The following FSTL5 variants were observed in gnomAD, a reference collection of about 807,000 sequenced individuals.
The protein encoded by FSTL5 is follistatin-related protein 5.
A neutral mutation model predicts 89.1 loss-of-function variants in FSTL5; 62 were observed. The ratio of observed to expected loss-of-function variants is 0.70; its 90% CI spans 0.57 to 0.86. The LOEUF (loss-of-function observed/expected upper bound fraction) is 0.86, where lower values mean the gene tolerates loss of function less well. Ranked by LOEUF, FSTL5 falls within the 40% of genes least tolerant of loss-of-function variation. The pLI, the probability that FSTL5 is intolerant of heterozygous loss-of-function variation, is 0.00. For synonymous variants in FSTL5, 383 were observed against 346.2 expected (o/e 1.11, Z -1.18); for missense variants, 1,057 against 1,001.6 (o/e 1.06, Z -0.75).
At chr4:162,107,427 A>G (rs13130824) in intron 2 of FSTL5, among the ~76,000 whole-genome samples, 35,388 of 152,128 alleles carry the variant, frequency 0.23, 4,471 homozygotes, top group Non-Finnish European at 0.3. Context: ...GGCTGTTCTG[A>G]GTACACTAAT....
chr4:161,970,260 G>C lies in FSTL5; in HGVS notation c.161-49608C>G, dbSNP rs145019666. ...TAGAGACAGATTTTAAAACGCTAAG[G>C]ATTTAAAATCACAGGACTCATTCTA... On this transcript the variant is annotated intron_variant, in intron 3 of 15. Transcript: ENST00000306100. 1.5e-4 allele frequency among the ~76,000 whole-genome samples: 23 copies of C among 152,076 alleles called. No homozygotes were observed. The East Asian group carries it at 3.5e-3, about 23-fold the overall frequency.
chr4:161,818,423 G>C (rs11725669), intron 4 of FSTL5, among the ~76,000 whole-genome samples: 1 of 152,216 alleles, frequency 6.6e-6, no homozygotes, highest in Admixed American at 6.5e-5. Flanking sequence ...CTTGAGACAA[G>C]GTAGAGGTTC....
intron 3 of FSTL5, among the ~76,000 whole-genome samples, chr4:161,968,479 C>T (rs1169441317): frequency 2.6e-5 from 4 of 152,018 alleles, no homozygotes; most frequent in Non-Finnish European, 5.9e-5. Context: ...CAGTAGAGCA[C>T]ATTCTTATAT....
In FSTL5 at chr4:161,673,713, T is replaced by C. The variant is rs191438648; in HGVS notation, c.728-17219A>G. 1.8e-4 allele frequency among the ~76,000 whole-genome samples: 28 copies of C among 152,130 alleles called. 1 individual carries two copies. Among genetic ancestry groups the C allele is most frequent in the African/African-American group, 6.3e-4 (26 of 41,570 alleles). The stretch of plus-strand genomic sequence containing the variant: ...ATTTTTATATTTAAGCCTGAGTTTA[T>C]TATTAATTTTGTGATATGAAGTACA... On this transcript the variant is annotated intron_variant, in intron 6 of 15. Transcript: ENST00000306100.
At chr4:162,001,913 G>A (rs996868034) in intron 3 of FSTL5, among the ~76,000 whole-genome samples, 3 of 151,952 alleles carry the variant, frequency 2.0e-5, no homozygotes, top group African/African-American at 7.2e-5. Context: ...CATCATGATG[G>A]TTCAAAGAGT....
rs770030365 is a variant in FSTL5 at position 161,538,279 on chromosome 4, A to G, written c.1199T>C (p.Ile400Thr). The change falls in exon 10 of 16, where the codon ATA becomes ACA. Residue 400 changes from isoleucine (I) to threonine (T), a missense_variant. By Grantham distance (89) the Ile-to-Thr change is moderately conservative. Around this residue, in one of 3 missense-constraint regions of FSTL5, gnomAD observed 980 missense variants for 903.2 expected, o/e 1.08. Coordinates refer to ENST00000306100, the MANE Select transcript of FSTL5 (RefSeq NM_020116.5). ...TLQANGSEVH[I>T]SNVRYEDTGA... Reference sequence around the variant, plus strand: ...AGTATCTTCATAGCGCACATTGCTTATGTGAACCTCACTGCCATTTGCTGA... The same window carrying G: ...AGTATCTTCATAGCGCACATTGCTTGTGTGAACCTCACTGCCATTTGCTGA... The G allele has an allele frequency of 2.5e-6, 4 of 1,613,884 alleles. No individual in the cohort carries two copies. Among genetic ancestry groups the G allele is most frequent in the African/African-American group, 1.3e-5 (1 of 74,906 alleles).
intron 6 of FSTL5, among the ~76,000 whole-genome samples, chr4:161,712,584 A>G (rs1668987605): frequency 6.6e-6 from 1 of 152,190 alleles, no homozygotes; most frequent in South Asian, 2.1e-4. Context: ...TGTTGTTTTC[A>G]AATGATACAT....
chr4:162,087,471 A>T (rs1199853792), intron 2 of FSTL5, among the ~76,000 whole-genome samples: 1 of 152,146 alleles, frequency 6.6e-6, no homozygotes. Context: ...TCTCATACTT[A>T]AAAATGATTT....
chr4:161,775,956 C>T lies in FSTL5; in HGVS notation c.528G>A (p.Lys176=). 1 of 1,608,412 alleles carries T rather than the reference C, an allele frequency of 6.2e-7. No individual in the cohort carries two copies. The highest frequency in any genetic ancestry group is 8.5e-7 in the Non-Finnish European group (1 of 1,176,952). Residue 176 remains lysine (K), a synonymous_variant, in exon 5 of 16, where the codon AAG becomes AAA. Coordinates refer to ENST00000306100, the MANE Select transcript of FSTL5 (RefSeq NM_020116.5). ...TAAACATTTGATCCACCAATAGCTT[C>T]TTCCGAGATATGTCGTCGCCATTAG... ...ENPNGDDISR[K]KLLVDQMFKY...
intron 11 of FSTL5, among the ~76,000 whole-genome samples, chr4:161,504,349 C>G (rs1045292322): frequency 2.0e-5 from 3 of 151,912 alleles, no homozygotes; most frequent in Non-Finnish European, 2.9e-5. Flanking sequence ...TAGTGGTGAT[C>G]ATTACTTCTC....
At chr4:162,124,939 G>A (rs1163265719) in intron 1 of FSTL5, among the ~76,000 whole-genome samples, 6 of 152,120 alleles carry the variant, frequency 3.9e-5, no homozygotes, top group East Asian at 1.9e-4. Context: ...TCCTGACCTC[G>A]TGATCCGCCC....
chr4:161,795,389 C>G (rs926981893), intron 4 of FSTL5, among the ~76,000 whole-genome samples: 2 of 152,032 alleles, frequency 1.3e-5, no homozygotes, highest in African/African-American at 4.8e-5. Context: ...AAAACAGACA[C>G]CAACAGGCTG....
chr4:161,448,464 G>A (rs1467546815), intron 15 of FSTL5, among the ~76,000 whole-genome samples: 1 of 152,006 alleles, frequency 6.6e-6, no homozygotes, highest in Non-Finnish European at 1.5e-5. Flanking sequence ...TATAATTTTT[G>A]CTTTAACGGA....
chr4:162,143,813 C>T (rs868361468), intron 1 of FSTL5, among the ~76,000 whole-genome samples: 2 of 144,350 alleles, frequency 1.4e-5, no homozygotes, highest in African/African-American at 2.6e-5. Flanking sequence ...CACACACACA[C>T]ACACACATAC....
intron 4 of FSTL5, among the ~76,000 whole-genome samples, chr4:161,835,690 A>T (rs370940829): frequency 6.6e-6 from 1 of 152,128 alleles, no homozygotes; most frequent in Non-Finnish European, 1.5e-5. Context: ...GCAGCCAAAA[A>T]ACACATGAAA....
At chr4:162,038,760 A>G (rs537358666) in intron 2 of FSTL5, among the ~76,000 whole-genome samples, 42 of 152,014 alleles carry the variant, frequency 2.8e-4, no homozygotes, top group African/African-American at 9.9e-4. Flanking sequence ...TCTGGCTACA[A>G]TATCTTCAAA....
intron 1 of FSTL5, among the ~76,000 whole-genome samples, chr4:162,111,664 G>A (rs1200598483): frequency 1.3e-5 from 2 of 151,546 alleles, no homozygotes; most frequent in African/African-American, 4.8e-5. Context: ...ATAAAAATGT[G>A]GTAAGAAAAA....
chr4:162,074,949 A>C (rs1265101784), intron 2 of FSTL5, among the ~76,000 whole-genome samples: 1 of 151,794 alleles, frequency 6.6e-6, no homozygotes, highest in Non-Finnish European at 1.5e-5. Flanking sequence ...CCCATTTTAT[A>C]ATAAAGTGTC....
intron 10 of FSTL5, among the ~76,000 whole-genome samples, chr4:161,534,926 AC>A (rs1373515798): frequency 1.3e-5 from 2 of 152,120 alleles, no homozygotes; most frequent in African/African-American, 2.4e-5. Flanking sequence ...TCATACACTT[AC>A]AACCATCTTA....
Sources: gnomAD v4.1 joint callset for allele counts (sites outside exome capture counted in the v4.1 genomes callset) on GRCh38, gnomAD v4.1.1 for gene constraint, gnomAD v4.1.1 regional missense constraint, MANE v1.5 for transcripts, NCBI Gene and HGNC (gene_info 2026-07-23, HGNC 2026-07-21) for gene names.